ARHGAP6: variants seen among roughly 807,000 people sequenced by gnomAD.
The protein encoded by ARHGAP6 is Rho GTPase activating protein 6.
Under a neutral mutation model 55.7 loss-of-function variants are expected in ARHGAP6, and 16 were observed. The observed-to-expected ratio is 0.29, with a 90% CI of 0.19 to 0.44. The LOEUF (loss-of-function observed/expected upper bound fraction) is 0.44, where lower values mean the gene tolerates loss of function less well. Ranked by LOEUF, ARHGAP6 falls within the 20% of genes least tolerant of loss-of-function variation. The probability of loss-of-function intolerance (pLI) is 1.00; values close to 1 mark genes in which losing one functional copy is unlikely to be tolerated. For synonymous variants in ARHGAP6, 382 were observed against 360.9 expected (o/e 1.06, Z -0.66); for missense variants, 698 against 808.9 (o/e 0.86, Z 1.66).
At chrX:11,632,152 T>C (rs1053287505) in intron 1 of ARHGAP6, among the ~76,000 whole-genome samples, 1 of 112,511 alleles carries the variant, frequency 8.9e-6, no homozygotes, top group Admixed American at 9.4e-5. Flanking sequence ...GCTACTCTAT[T>C]AGTGAAATTT....
chrX:11,359,968 T>C (rs753349455), intron 1 of ARHGAP6, among the ~76,000 whole-genome samples: 1 of 111,775 alleles, frequency 8.9e-6, no homozygotes, highest in African/African-American at 3.3e-5. Context: ...AGAAGTTGAA[T>C]CTCTGAATAG....
At chrX:11,324,001 GATTAACA>G (rs1184704561) in intron 1 of ARHGAP6, among the ~76,000 whole-genome samples, 5 of 111,123 alleles carry the variant, frequency 4.5e-5, no homozygotes, top group Middle Eastern at 4.7e-3. Flanking sequence ...GAGGACCAAT[GATTAACA>G]GCAGAAACAA....
At chrX:11,437,492 A>C (rs2049998520) in intron 1 of ARHGAP6, among the ~76,000 whole-genome samples, 1 of 111,912 alleles carries the variant, frequency 8.9e-6, no homozygotes, top group Admixed American at 9.5e-5. Flanking sequence ...ATAAAGACTG[A>C]TGTGCAATTG....
At chrX:11,576,303 A>G (rs1000720088) in intron 1 of ARHGAP6, among the ~76,000 whole-genome samples, 1 of 111,957 alleles carries the variant, frequency 8.9e-6, no homozygotes, top group Non-Finnish European at 1.9e-5. Flanking sequence ...TATTTTATAC[A>G]CCATTGTGTA....
At chrX:11,591,353 GT>G (rs2051832201) in intron 1 of ARHGAP6, among the ~76,000 whole-genome samples, 1 of 107,166 alleles carries the variant, frequency 9.3e-6, no homozygotes, top group Non-Finnish European at 1.9e-5. Flanking sequence ...TTTAAAATAT[GT>G]TTTAAAACTT....
intron 1 of ARHGAP6, among the ~76,000 whole-genome samples, chrX:11,489,621 G>T (rs2050546518): frequency 8.9e-6 from 1 of 111,890 alleles, no homozygotes; most frequent in Non-Finnish European, 1.9e-5. Context: ...TTGGCTCACA[G>T]GTCATAATTT....
chrX:11,638,284 A>C (rs1035337338), intron 1 of ARHGAP6, among the ~76,000 whole-genome samples: 3 of 112,363 alleles, frequency 2.7e-5, no homozygotes. Context: ...TGAAAAATAT[A>C]CACAGAAGCA....
intron 1 of ARHGAP6, among the ~76,000 whole-genome samples, chrX:11,256,053 A>G (rs2047490231): frequency 9.0e-6 from 1 of 111,111 alleles, no homozygotes; most frequent in Admixed American, 9.5e-5. Context: ...TCATTGCAAT[A>G]AATGGAACAC....
intron 2 of ARHGAP6, among the ~76,000 whole-genome samples, chrX:11,201,398 A>G (rs1275247028): frequency 8.9e-6 from 1 of 112,084 alleles, no homozygotes; most frequent in African/African-American, 3.2e-5. Context: ...AATTCTATGA[A>G]GCCAATATTA....
chrX:11,381,251 G>A (rs768015032), intron 1 of ARHGAP6, among the ~76,000 whole-genome samples: 8 of 112,363 alleles, frequency 7.1e-5, no homozygotes, highest in African/African-American at 1.3e-4. Flanking sequence ...AAGTGTGTGC[G>A]TTATATTTAG....
At chrX:11,518,775 C>G (rs1341067549) in intron 1 of ARHGAP6, among the ~76,000 whole-genome samples, 3 of 64,218 alleles carry the variant, frequency 4.7e-5, no homozygotes, top group Non-Finnish European at 8.4e-5. Context: ...CTAATGCTAT[C>G]CCTCCCCCCT....
intron 1 of ARHGAP6, among the ~76,000 whole-genome samples, chrX:11,354,327 CTATATATATATATATA>C (rs1174449401): frequency 5.3e-4 from 17 of 32,348 alleles, no homozygotes; most frequent in African/African-American, 2.1e-3. Flanking sequence ...CTCTCTCTCT[CTATATATATATATATA>C]TATATATATA....
intron 1 of ARHGAP6, among the ~76,000 whole-genome samples, chrX:11,344,707 A>C (rs1207623678): frequency 9.6e-6 from 1 of 104,314 alleles, no homozygotes; most frequent in Non-Finnish European, 2.0e-5. Flanking sequence ...AAAAAAAAGA[A>C]AAGAAAGAAA....
At chrX:11,639,462 G>T (rs2052451673) in intron 1 of ARHGAP6, among the ~76,000 whole-genome samples, 1 of 110,253 alleles carries the variant, frequency 9.1e-6, no homozygotes, top group South Asian at 3.9e-4. Flanking sequence ...AACATGCAGT[G>T]TTTGGTTTTC....
intron 1 of ARHGAP6, among the ~76,000 whole-genome samples, chrX:11,366,350 T>G (rs891755280): frequency 8.9e-6 from 1 of 112,486 alleles, no homozygotes; most frequent in Non-Finnish European, 1.9e-5. Flanking sequence ...ATTCATTCGT[T>G]TATACATACA....
At chrX:11,426,668 G>A (rs781234400) in intron 1 of ARHGAP6, among the ~76,000 whole-genome samples, 70 of 110,388 alleles carry the variant, frequency 6.3e-4, no homozygotes, top group Middle Eastern at 4.7e-3. Context: ...TCCTGGAGGG[G>A]GCATTTGAAA....
At chrX:11,654,173 C>G (rs1415827647) in intron 1 of ARHGAP6, among the ~76,000 whole-genome samples, 4 of 111,417 alleles carry the variant, frequency 3.6e-5, no homozygotes, top group Non-Finnish European at 7.5e-5. Context: ...TTGCCTAAGG[C>G]TTCTCTTTCC....
chrX:11,498,655 C>A (rs1275702474), intron 1 of ARHGAP6, among the ~76,000 whole-genome samples: 2 of 111,566 alleles, frequency 1.8e-5, no homozygotes, highest in East Asian at 2.8e-4. Flanking sequence ...TTATTTTAAT[C>A]AAAGTGGGGT....
chrX:11,240,611 TCCATCCAC>T (rs1424637906), intron 2 of ARHGAP6, among the ~76,000 whole-genome samples: 2 of 111,750 alleles, frequency 1.8e-5, no homozygotes, highest in Non-Finnish European at 3.8e-5. Flanking sequence ...CACTGATCTA[TCCATCCAC>T]CCATCCACCC....
Sources: allele counts gnomAD v4.1 joint callset (sites outside exome capture counted in the v4.1 genomes callset), GRCh38; gene constraint gnomAD v4.1.1; transcripts MANE v1.5; gene names NCBI Gene and HGNC (gene_info 2026-07-23, HGNC 2026-07-21).